Variants in LONRF1 observed in about 807,000 individuals in gnomAD.
LONRF1 encodes LON peptidase N-terminal domain and RING finger protein 1.
Under a neutral mutation model 85.8 loss-of-function variants are expected in LONRF1, and 37 were observed. The ratio of observed to expected loss-of-function variants is 0.43; its 90% CI spans 0.33 to 0.57. The LOEUF (loss-of-function observed/expected upper bound fraction) is 0.57, where lower values mean the gene tolerates loss of function less well. Among genes scored for constraint, LONRF1 ranks in the 20% least tolerant of loss-of-function variants. LONRF1 has a pLI of 0.04. For synonymous variants in LONRF1, 517 were observed against 390.1 expected (o/e 1.33, Z -3.83); for missense variants, 1,036 against 978.0 (o/e 1.06, Z -0.79).
chr8:12,729,505 C>T, intron 8 of LONRF1, 173 bp from the exon 9 acceptor site: 2 of 593,962 alleles, frequency 3.4e-6, no homozygotes, highest in Non-Finnish European at 6.0e-6. Flanking sequence ...GCACCCCGTT[C>T]ACTAAGCTCA....
intron 1 of LONRF1, chr8:12,754,149 G>C (rs895627378): frequency 6.6e-6 from 1 of 152,114 alleles, no homozygotes; most frequent in African/African-American, 2.4e-5. Flanking sequence ...CCCGCCCCCA[G>C]CTTATGCAAT....
intron 1 of LONRF1, among the ~76,000 whole-genome samples, chr8:12,748,807 A>T (rs977647514): frequency 2.5e-4 from 36 of 146,396 alleles, no homozygotes; most frequent in African/African-American, 7.7e-4. Context: ...CAGAATATCA[A>T]TTTTTTTTTT....
At chr8:12,747,990 CTTT>C (rs910101000) in intron 1 of LONRF1, among the ~76,000 whole-genome samples, 1 of 151,764 alleles carries the variant, frequency 6.6e-6, no homozygotes, top group African/African-American at 2.4e-5. Flanking sequence ...TTATAATCTG[CTTT>C]TTTTCCCATG....
chr8:12,732,226 G>A (rs186265419), intron 7 of LONRF1, among the ~76,000 whole-genome samples: 83 of 152,292 alleles, frequency 5.5e-4, no homozygotes, highest in African/African-American at 1.9e-3. Flanking sequence ...ATACAAAAAC[G>A]GGATAAGGAA....
intron 3 of LONRF1, among the ~76,000 whole-genome samples, chr8:12,739,289 T>C (rs1341787144): frequency 6.7e-5 from 9 of 134,440 alleles, no homozygotes; most frequent in Non-Finnish European, 9.4e-5. Context: ...TATAATGGAA[T>C]ACTTTAAAAA....
At chr8:12,737,935 C>T in intron 4 of LONRF1, 60 bp downstream of exon 4, 1 of 1,519,974 alleles carries the variant, frequency 6.6e-7, no homozygotes, top group Non-Finnish European at 8.8e-7. Context: ...GAAAGTGAAG[C>T]TCTTAACTCG....
At position 12,729,977 on chromosome 8, in the gene LONRF1, C is replaced by G. The variant is rs559379601; in HGVS notation, c.1689-645G>C. Among the ~76,000 whole-genome samples, 5 of 152,256 alleles carry G rather than the reference C, an allele frequency of 3.3e-5. No individual in the cohort carries two copies. In the East Asian group the frequency reaches 9.7e-4, roughly 29 times the overall value. Reference sequence around the variant, plus strand: ...GGCACTCTGAAACAGCACAGGCACGCTAAAGAACATGGCTACAGACAGCAG... The same window carrying G: ...GGCACTCTGAAACAGCACAGGCACGGTAAAGAACATGGCTACAGACAGCAG... On this transcript the variant is annotated intron_variant, in intron 8 of 11. Transcript: ENST00000398246.
At chr8:12,743,303 G>A (rs1264222486) in intron 1 of LONRF1, 21 bp from the exon 2 acceptor site, 1 of 1,312,888 alleles carries the variant, frequency 7.6e-7, no homozygotes, top group Admixed American at 1.9e-5. Context: ...TATTTTATAA[G>A]GATATGATTA....
At chr8:12,736,664 T>A (rs1355326100) in intron 6 of LONRF1, 37 bp downstream of exon 6, 4 of 1,377,444 alleles carry the variant, frequency 2.9e-6, no homozygotes, top group South Asian at 2.5e-5. Context: ...TATACTAACA[T>A]AAAATATTCA....
Position 12,743,148 on chromosome 8 carries a change from A to G in LONRF1, c.840+16T>C. 1 of 1,488,056 alleles carries G rather than the reference A, an allele frequency of 6.7e-7. No individual in the cohort carries two copies. Among genetic ancestry groups the G allele is most frequent in the East Asian group, 2.3e-5 (1 of 44,264 alleles). The allele number at this position is 1,488,056 out of a possible 1,614,324, so 92.2% of individuals were successfully genotyped here. A position where few individuals can be genotyped will look rare whatever the true frequency, so the allele number is the denominator to read the frequency against. On this transcript the variant is annotated intron_variant, in intron 2 of 11. Coordinates refer to ENST00000398246, the MANE Select transcript of LONRF1 (RefSeq NM_152271.5). ...AAAATTTTACAATTTATGCAAACAT[A>G]AAACAGTAATTTTACCTCAGGCCAA...
chr8:12,739,058 T>A (rs969819766), intron 3 of LONRF1, among the ~76,000 whole-genome samples: 2 of 152,060 alleles, frequency 1.3e-5, no homozygotes, highest in African/African-American at 4.8e-5. Context: ...ATATACACAT[T>A]TACATTTCCT....
In LONRF1 at chr8:12,735,315, A is replaced by G; in HGVS notation, c.1537T>C (p.Cys513Arg). 1 of 1,606,584 alleles carries G rather than the reference A, an allele frequency of 6.2e-7. No homozygotes were observed. Reference sequence around the variant, plus strand: ...TTTAAGCTTTCTTTGCAAAGAGGACAATATGGTGCATGATCTAAACAACGC... The same window carrying G: ...TTTAAGCTTTCTTTGCAAAGAGGACGATATGGTGCATGATCTAAACAACGC... ...LERCLDHAPY[C>R]PLCKESLKEY... The change falls in exon 7 of 12, where the codon TGT becomes CGT. Residue 513 changes from cysteine (C) to arginine (R), a missense_variant. Cys to Arg is a radical substitution (Grantham distance 180). Coordinates refer to ENST00000398246, the MANE Select transcript of LONRF1 (RefSeq NM_152271.5).
intron 3 of LONRF1, among the ~76,000 whole-genome samples, chr8:12,740,436 T>A (rs1185842375): frequency 6.6e-6 from 1 of 151,868 alleles, no homozygotes; most frequent in Non-Finnish European, 1.5e-5. Context: ...TAGAACAAAG[T>A]ATGGAAAGTG....
chr8:12,749,520 A>C (rs1799294657), intron 1 of LONRF1, among the ~76,000 whole-genome samples: 1 of 152,220 alleles, frequency 6.6e-6, no homozygotes, highest in Non-Finnish European at 1.5e-5. Context: ...AGGCTCTTAG[A>C]AATATTCCAA....
At chr8:12,735,141 G>C (rs1798669819) in intron 7 of LONRF1, 145 bp downstream of exon 7, 1 of 586,396 alleles carries the variant, frequency 1.7e-6, no homozygotes, top group Non-Finnish European at 3.0e-6. Context: ...ATTAGCATAT[G>C]GGTAATAAAA....
At chr8:12,736,622 T>C in intron 6 of LONRF1, 79 bp downstream of exon 6, 1 of 937,604 alleles carries the variant, frequency 1.1e-6, no homozygotes, top group East Asian at 2.7e-5. Flanking sequence ...TTACATTGTC[T>C]ATTATTACCT....
Position 12,722,048 on chromosome 8 carries a change from C to T in LONRF1, c.*1048G>A, listed in dbSNP as rs993836474. On this transcript the variant is annotated 3_prime_UTR_variant, in exon 12 of 12. Coordinates refer to ENST00000398246, the MANE Select transcript of LONRF1 (RefSeq NM_152271.5). Reference sequence around the variant, plus strand: ...ATAATTACAAAAGTTTCTAGGGCAGCATGAATATAAACCATGTTGCAGCAT... The same window carrying T: ...ATAATTACAAAAGTTTCTAGGGCAGTATGAATATAAACCATGTTGCAGCAT... 3 of 152,530 alleles carry T rather than the reference C, an allele frequency of 2.0e-5. No individual in the cohort carries two copies. Among genetic ancestry groups the T allele is most frequent in the South Asian group, 2.1e-4 (1 of 4,830 alleles). The allele number at this position is 152,530 out of a possible 1,614,324, so 9.4% of individuals were successfully genotyped here.
At chr8:12,747,752 CTCTCTTT>C (rs781208634) in intron 1 of LONRF1, among the ~76,000 whole-genome samples, 3 of 147,470 alleles carry the variant, frequency 2.0e-5, no homozygotes, top group East Asian at 1.9e-4. Flanking sequence ...ACTGAAATCT[CTCTCTTT>C]TTTTTTTTTT....
At chr8:12,751,932 A>C (rs1411133489) in intron 1 of LONRF1, among the ~76,000 whole-genome samples, 3 of 152,222 alleles carry the variant, frequency 2.0e-5, no homozygotes, top group Non-Finnish European at 4.4e-5. Context: ...TCTGAGAGTT[A>C]ATACCAAAAG....
Sources: allele counts gnomAD v4.1 joint callset (sites outside exome capture counted in the v4.1 genomes callset), GRCh38; gene constraint gnomAD v4.1.1; transcripts MANE v1.5; gene names NCBI Gene and HGNC (gene_info 2026-07-23, HGNC 2026-07-21).